The following GRXCR1 variants were observed in gnomAD, a reference collection of about 807,000 sequenced individuals.
The protein encoded by GRXCR1 is glutaredoxin and cysteine rich domain containing 1.
In GRXCR1, 27 loss-of-function variants were observed where a neutral mutation model predicts 27.3. That is an observed-to-expected ratio of 0.99 (90% CI 0.73 to 1.37). The LOEUF (loss-of-function observed/expected upper bound fraction) is 1.37. GRXCR1 is among the 40% of genes most tolerant of loss of function. GRXCR1 has a pLI of 0.00. For missense variants in GRXCR1, 379 were observed against 354.4 expected (o/e 1.07, Z -0.56); for synonymous variants, 122 against 131.1 (o/e 0.93, Z 0.47).
intron 1 of GRXCR1, among the ~76,000 whole-genome samples, chr4:42,955,099 C>T (rs1053834441): frequency 9.2e-5 from 14 of 152,102 alleles, no homozygotes; most frequent in African/African-American, 3.1e-4. Context: ...TATTTAAAAT[C>T]GCTGTTCCTG....
At chr4:42,930,796 C>T (rs2109756240) in intron 1 of GRXCR1, among the ~76,000 whole-genome samples, 1 of 152,026 alleles carries the variant, frequency 6.6e-6, no homozygotes, top group East Asian at 1.9e-4. Context: ...TAGCATAGTC[C>T]CTGGCACATA....
At chr4:43,019,112 CA>C (rs1490947529) in intron 2 of GRXCR1, among the ~76,000 whole-genome samples, 1 of 152,286 alleles carries the variant, frequency 6.6e-6, no homozygotes, top group East Asian at 1.9e-4. Context: ...TTAGAAACCT[CA>C]TCCAGTCTTT....
chr4:42,977,388 C>G (rs1748548871), intron 2 of GRXCR1, among the ~76,000 whole-genome samples: 1 of 151,912 alleles, frequency 6.6e-6, no homozygotes, highest in Non-Finnish European at 1.5e-5. Flanking sequence ...TTTGAGGAAT[C>G]TTTATACCAC....
chr4:42,987,241 A>AATATATATATATAATAT (rs1711785571), intron 2 of GRXCR1, among the ~76,000 whole-genome samples: 1 of 66,466 alleles, frequency 1.5e-5, no homozygotes, highest in African/African-American at 5.1e-5. Context: ...ATATATATAT[A>AATATATATATATAATAT]ATATATAATA....
chr4:42,919,862 G>C (rs1746969694), intron 1 of GRXCR1, among the ~76,000 whole-genome samples: 1 of 151,878 alleles, frequency 6.6e-6, no homozygotes, highest in Admixed American at 6.6e-5. Flanking sequence ...TATTGATTTG[G>C]AAATCTGTCA....
In GRXCR1 at chr4:43,016,633, T is replaced by TTGTGTG. The variant is rs34018617; in HGVS notation, c.628-3702_628-3697dup. 2.0e-5 allele frequency among the ~76,000 whole-genome samples: 3 copies of TTGTGTG among 149,950 alleles called. No homozygotes were observed. In the South Asian group the frequency reaches 6.3e-4, roughly 32 times the overall value. On this transcript the variant is annotated intron_variant, in intron 2 of 3. Coordinates refer to ENST00000399770, the MANE Select transcript of GRXCR1 (RefSeq NM_001080476.3). ...TCAGTAACGGGAAGCAGTTGTGTGT[T>TTGTGTG]TGTGTGTGTGTGTGTGTGTGTGTGC...
chr4:43,014,328 C>G (rs962907412), intron 2 of GRXCR1, among the ~76,000 whole-genome samples: 1 of 152,052 alleles, frequency 6.6e-6, no homozygotes, highest in Non-Finnish European at 1.5e-5. Context: ...TGGTGGGGCT[C>G]AGGTGGCCCA....
At chr4:42,927,779 T>C (rs1747195420) in intron 1 of GRXCR1, among the ~76,000 whole-genome samples, 1 of 151,782 alleles carries the variant, frequency 6.6e-6, no homozygotes, top group Non-Finnish European at 1.5e-5. Context: ...ATATGGGAAG[T>C]AGGAAAGTGG....
At chr4:43,021,042 A>G (rs1047658027) in intron 3 of GRXCR1, among the ~76,000 whole-genome samples, 4 of 152,150 alleles carry the variant, frequency 2.6e-5, no homozygotes, top group African/African-American at 4.8e-5. Flanking sequence ...TGCGTTAGTA[A>G]TTGTTCTGGG....
chr4:42,929,626 G>A (rs952537678), intron 1 of GRXCR1, among the ~76,000 whole-genome samples: 1 of 151,832 alleles, frequency 6.6e-6, no homozygotes, highest in Non-Finnish European at 1.5e-5. Flanking sequence ...GTAGGTTTGA[G>A]AAGGTGGAAG....
chr4:42,975,746 G>T (rs1748505045), intron 2 of GRXCR1, among the ~76,000 whole-genome samples: 1 of 152,050 alleles, frequency 6.6e-6, no homozygotes, highest in African/African-American at 2.4e-5. Flanking sequence ...TTTGACATTT[G>T]TTTGGCTATC....
intron 2 of GRXCR1, among the ~76,000 whole-genome samples, chr4:42,983,821 G>T (rs571638979): frequency 2.1e-5 from 3 of 145,354 alleles, no homozygotes; most frequent in African/African-American, 5.1e-5. Flanking sequence ...CTGTCTTTAT[G>T]TTCAGAGATT....
intron 3 of GRXCR1, among the ~76,000 whole-genome samples, chr4:43,021,252 C>T (rs1161752249): frequency 6.6e-6 from 1 of 152,088 alleles, no homozygotes; most frequent in African/African-American, 2.4e-5. Flanking sequence ...GCAAGTTGTT[C>T]TGTCTGCCTA....
intron 1 of GRXCR1, among the ~76,000 whole-genome samples, chr4:42,932,728 A>G (rs1294185140): frequency 2.7e-5 from 4 of 148,642 alleles, no homozygotes; most frequent in South Asian, 4.3e-4. Context: ...TCTCTGTCCC[A>G]GAGAGTTTAC....
intron 1 of GRXCR1, among the ~76,000 whole-genome samples, chr4:42,919,475 A>G (rs1390893649): frequency 6.6e-6 from 1 of 152,142 alleles, no homozygotes; most frequent in Admixed American, 6.6e-5. Context: ...TTTACATTTT[A>G]TAATGATACG....
At chr4:42,897,909 G>T (rs1305615952) in intron 1 of GRXCR1, among the ~76,000 whole-genome samples, 2 of 149,574 alleles carry the variant, frequency 1.3e-5, no homozygotes, top group African/African-American at 4.9e-5. Context: ...AAAGTGAACA[G>T]AAAAGTTATT....
chr4:42,897,924 T>TTATTATTAA (rs1477795978), intron 1 of GRXCR1, among the ~76,000 whole-genome samples: 1 of 27,426 alleles, frequency 3.6e-5, no homozygotes, highest in African/African-American at 6.5e-5. Context: ...GTTATTACTA[T>TTATTATTAA]TATTATTATT....
chr4:43,030,597 TTA>T lies in GRXCR1; in HGVS notation c.*67_*68del, dbSNP rs1026337233. 11 of 1,300,228 alleles carry T rather than the reference TTA, an allele frequency of 8.5e-6. No homozygotes were observed. The highest frequency in any genetic ancestry group is 1.2e-5 in the South Asian group (1 of 83,798). 80.5% of individuals were successfully genotyped at this position (1,300,228 alleles called of 1,614,324 possible). Reference sequence around the variant, plus strand: ...TATTAATCAAAGGCAATACTTTGGTTTATATATATATTTTTAAATGGTTATGT... The same window carrying T: ...TATTAATCAAAGGCAATACTTTGGTTTATATATATTTTTAAATGGTTATGT... On this transcript the variant is annotated 3_prime_UTR_variant, in exon 4 of 4. Coordinates refer to ENST00000399770, the MANE Select transcript of GRXCR1 (RefSeq NM_001080476.3).
chr4:42,982,538 C>T (rs2109785836), intron 2 of GRXCR1, among the ~76,000 whole-genome samples: 1 of 117,398 alleles, frequency 8.5e-6, no homozygotes, highest in Non-Finnish European at 1.8e-5. Flanking sequence ...GTCTTTATAG[C>T]AGCATGATTT....
Sources: gnomAD v4.1 joint callset for allele counts (sites outside exome capture counted in the v4.1 genomes callset) on GRCh38, gnomAD v4.1.1 for gene constraint, MANE v1.5 for transcripts, NCBI Gene and HGNC (gene_info 2026-07-23, HGNC 2026-07-21) for gene names.